The following CHD1L variants were observed in gnomAD, a reference collection of about 807,000 sequenced individuals.
CHD1L encodes chromodomain helicase DNA binding protein 1 like.
CHD1L carries 118 observed loss-of-function variants against 115.9 expected under a neutral mutation model. The observed-to-expected ratio is 1.02, with a 90% confidence interval of 0.88 to 1.19. CHD1L has a LOEUF of 1.19. Among genes scored for constraint, CHD1L ranks in the 50% most tolerant of loss-of-function variants. The pLI, the probability that CHD1L is intolerant of heterozygous loss-of-function variation, is 0.00. For missense variants in CHD1L, 1,179 were observed against 1,065.3 expected, an observed-to-expected ratio of 1.11 and a Z score of -1.49; for synonymous variants, 411 against 387.1, an observed-to-expected ratio of 1.06 and a Z score of -0.72.
Position 147,270,912 on chromosome 1 carries a change from C to G in CHD1L, c.1086-20C>G, listed in dbSNP as rs782064389. On this transcript the variant is annotated intron_variant, in intron 10 of 22. Transcript: ENST00000369258. ...AATACCACTAGACTTGGCAGTGTTT[C>G]CTTTTCTTTTTCTTGCCAGGGGCCA... is the stretch of plus-strand genomic sequence containing the variant. The G allele has an allele frequency of 1.2e-6, 2 of 1,611,442 alleles. No homozygotes were observed. Among genetic ancestry groups the G allele is most frequent in the Non-Finnish European group, 1.7e-6 (2 of 1,177,914 alleles).
upstream of CHD1L, chr1:147,242,548 G>A: frequency 1.3e-6 from 1 of 755,056 alleles, no homozygotes; most frequent in Non-Finnish European, 1.8e-6. Flanking sequence ...AAGGGTGACT[G>A]CACCAGCTCC....
At chr1:147,236,623 A>G in the CHD1L span, among the ~76,000 whole-genome samples, 1 of 151,004 alleles carries the variant, frequency 6.6e-6, no homozygotes, top group East Asian at 2.0e-4. Context: ...GGTTGTCCCA[A>G]TGTCTGCTTA....
chr1:147,208,156 T>TCTATTA, the CHD1L span, among the ~76,000 whole-genome samples: 1 of 152,332 alleles, frequency 6.6e-6, no homozygotes, highest in African/African-American at 2.4e-5. Context: ...GAGTGTTATT[T>TCTATTA]CTATTACTAT....
chr1:147,179,189 G>A, the CHD1L span: 1 of 1,614,080 alleles, frequency 6.2e-7, no homozygotes, highest in Admixed American at 1.7e-5. Context: ...TACTTTGATG[G>A]CAATCTGAAG....
chr1:147,263,021 G>T (rs1672521671), intron 6 of CHD1L, among the ~76,000 whole-genome samples: 1 of 151,976 alleles, frequency 6.6e-6, no homozygotes, highest in South Asian at 2.1e-4. Context: ...AAAATATTGT[G>T]TATATACGTG....
At chr1:147,208,766 G>T in the CHD1L span, 1 of 1,087,906 alleles carries the variant, frequency 9.2e-7, no homozygotes, top group Non-Finnish European at 1.4e-6. Context: ...TGTATGGGTA[G>T]AGGTGGCTTT....
At chr1:147,179,457 A>AG in the CHD1L span, 197 of 1,586,814 alleles carry the variant, frequency 1.2e-4, no homozygotes, top group East Asian at 3.6e-3. Flanking sequence ...ATGAAGTCAG[A>AG]GTTTTCCTAC....
At chr1:147,242,419 C>T (rs1375490142), upstream of CHD1L, among the ~76,000 whole-genome samples, 6 of 152,218 alleles carry the variant, frequency 3.9e-5, no homozygotes, top group East Asian at 1.9e-4. Flanking sequence ...ACCTCCTTGA[C>T]GGGCAGTTCA....
rs782711426 is a variant in CHD1L at position 147,284,486 on chromosome 1, G to A, written c.1841G>A (p.Arg614Gln). 169 of 1,597,274 alleles carry A rather than the reference G, an allele frequency of 1.1e-4. 1 individual carries two copies. The East Asian group carries it at 2.5e-3, about 24-fold the overall frequency. The change falls in exon 16 of 23, where the codon CGA (arginine) becomes CAA (glutamine). Residue 614 changes from arginine (R) to glutamine (Q), a missense_variant. Arg to Gln is a conservative substitution (Grantham distance 43). Transcript: ENST00000369258. ...EKASQEGRSLRNKGSVLIPGL... is the reference protein window; with the variant it reads ...EKASQEGRSLQNKGSVLIPGL... ...GCTAGTCAAGAGGGCCGATCACTCC[G>A]AAATAAAGGCAGTGTAAGAACTGTT...
the CHD1L span, chr1:147,187,252 T>C: frequency 6.4e-7 from 1 of 1,571,448 alleles, no homozygotes; most frequent in Non-Finnish European, 8.6e-7. Flanking sequence ...ATACCTAAAG[T>C]AGAAAAGACA....
chr1:147,195,915 T>G, the CHD1L span, among the ~76,000 whole-genome samples: 2 of 152,164 alleles, frequency 1.3e-5, no homozygotes, highest in East Asian at 3.8e-4. Context: ...ATATAATTAT[T>G]TGACTGCTCT....
At chr1:147,252,539 G>A in intron 1 of CHD1L, 84 bp from the exon 2 acceptor site, 1 of 1,027,720 alleles carries the variant, frequency 9.7e-7, no homozygotes, top group East Asian at 2.4e-5. Context: ...TTTAGGCTGT[G>A]TTCCTCATTC....
intron 14 of CHD1L, among the ~76,000 whole-genome samples, chr1:147,277,904 G>C (rs587643101): frequency 6.6e-6 from 1 of 152,268 alleles, no homozygotes; most frequent in East Asian, 1.9e-4. Flanking sequence ...TCTCCCAGTG[G>C]AGGGAGCGCC....
At chr1:147,214,146 A>G in the CHD1L span, among the ~76,000 whole-genome samples, 5 of 152,164 alleles carry the variant, frequency 3.3e-5, no homozygotes, top group African/African-American at 1.2e-4. Context: ...TAATGTCTTC[A>G]TGGACTAATA....
chr1:147,192,915 A>G, the CHD1L span, among the ~76,000 whole-genome samples: 26 of 152,270 alleles, frequency 1.7e-4, no homozygotes, highest in Admixed American at 1.6e-3. Flanking sequence ...TCAGTTTGCC[A>G]GTATTTTATT....
At position 147,284,489 on chromosome 1, in the gene CHD1L, A is replaced by G. The variant is rs782486406; in HGVS notation, c.1844A>G (p.Asn615Ser). ...KASQEGRSLR[N>S]KGSVLIPGLV... ...AGTCAAGAGGGCCGATCACTCCGAAATAAAGGCAGTGTAAGAACTGTTAAT... is the reference window on the plus strand; with the variant it reads ...AGTCAAGAGGGCCGATCACTCCGAAGTAAAGGCAGTGTAAGAACTGTTAAT... Residue 615 changes from asparagine to serine, a missense_variant, in exon 16 of 23, where the codon AAT becomes AGT. Asn to Ser is a conservative substitution (Grantham distance 46, BLOSUM62 1). Transcript: ENST00000369258. 10 of 1,595,568 alleles carry G rather than the reference A, an allele frequency of 6.3e-6. No individual in the cohort carries two copies. The highest frequency in any genetic ancestry group is 1.4e-5 in the African/African-American group (1 of 73,582).
the CHD1L span, among the ~76,000 whole-genome samples, chr1:147,190,680 A>AT: frequency 6.6e-6 from 1 of 151,030 alleles, no homozygotes; most frequent in African/African-American, 2.4e-5. Flanking sequence ...GTAAAAATAA[A>AT]TTTTTTGTTT....
At chr1:147,243,082 C>T (rs1468587700) in intron 1 of CHD1L, 1 of 336,768 alleles carries the variant, frequency 3.0e-6, no homozygotes, top group Non-Finnish European at 5.2e-6. Context: ...AGGCCTGGCC[C>T]CTGGCCTGTG....
chr1:147,226,352 T>C, the CHD1L span, among the ~76,000 whole-genome samples: 6 of 152,084 alleles, frequency 3.9e-5, no homozygotes, highest in African/African-American at 1.2e-4. Flanking sequence ...TGGAGTATAG[T>C]GAGGAATGTA....
Sources: gnomAD v4.1 joint callset for allele counts (sites outside exome capture counted in the v4.1 genomes callset) on GRCh38, gnomAD v4.1.1 for gene constraint, MANE v1.5 for transcripts, NCBI Gene and HGNC (gene_info 2026-07-23, HGNC 2026-07-21) for gene names.